CCSER1: variants seen among roughly 807,000 people sequenced by gnomAD.
The protein encoded by CCSER1 is serine-rich coiled-coil domain-containing protein 1.
Under a neutral mutation model 82.0 loss-of-function variants are expected in CCSER1, and 41 were observed. That is an observed-to-expected ratio of 0.50 (90% confidence interval 0.39 to 0.65). The LOEUF (loss-of-function observed/expected upper bound fraction) is 0.65. CCSER1 is among the 30% of genes least tolerant of loss of function. The pLI, the probability that CCSER1 is intolerant of heterozygous loss-of-function variation, is 0.00. For missense variants in CCSER1, 1,119 were observed against 1,064.2 expected, an observed-to-expected ratio of 1.05 and a Z score of -0.72; for synonymous variants, 414 against 383.9, an observed-to-expected ratio of 1.08 and a Z score of -0.92.
chr4:90,424,015 C>T (rs1011792580), intron 4 of CCSER1, among the ~76,000 whole-genome samples: 12 of 150,826 alleles, frequency 8.0e-5, no homozygotes, highest in African/African-American at 1.5e-4. Context: ...GGCGTGAACC[C>T]GGGAGGCTGA....
chr4:90,362,051 G>T (rs2153519028), intron 3 of CCSER1, among the ~76,000 whole-genome samples: 1 of 152,146 alleles, frequency 6.6e-6, no homozygotes, highest in East Asian at 1.9e-4. Flanking sequence ...TCAAGCTCAG[G>T]ATTCTTCTCT....
intron 9 of CCSER1, among the ~76,000 whole-genome samples, chr4:91,008,292 T>A (rs1369201605): frequency 6.6e-6 from 1 of 152,210 alleles, no homozygotes; most frequent in Non-Finnish European, 1.5e-5. Flanking sequence ...TTCTGTCTGG[T>A]TGACAGTGGA....
chr4:90,600,782 A>G (rs73833296), intron 5 of CCSER1, among the ~76,000 whole-genome samples: 1 of 151,926 alleles, frequency 6.6e-6, no homozygotes, highest in African/African-American at 2.4e-5. Flanking sequence ...ATTGAAATAC[A>G]TGTAATTATA....
At chr4:90,551,678 T>TTCTCTCTCTCTCTCTCTCTCTC (rs71596530) in intron 5 of CCSER1, among the ~76,000 whole-genome samples, 31 of 88,552 alleles carry the variant, frequency 3.5e-4, no homozygotes, top group African/African-American at 1.3e-3. Flanking sequence ...AAAAATATAA[T>TTCTCTCTCTCTCTCTCTCTCTC]TCTCTCTCTC....
At chr4:91,256,388 C>A (rs1740685741) in intron 10 of CCSER1, among the ~76,000 whole-genome samples, 1 of 152,136 alleles carries the variant, frequency 6.6e-6, no homozygotes, top group Non-Finnish European at 1.5e-5. Flanking sequence ...GGCCTAGTGA[C>A]CTTGTCCTAC....
At chr4:91,476,817 G>C (rs990080371) in intron 10 of CCSER1, among the ~76,000 whole-genome samples, 7 of 151,544 alleles carry the variant, frequency 4.6e-5, no homozygotes, top group Non-Finnish European at 1.0e-4. Context: ...ATTGAAGAAA[G>C]GACAATCTCT....
At chr4:90,195,693 A>C (rs1736458965) in intron 1 of CCSER1, among the ~76,000 whole-genome samples, 1 of 152,130 alleles carries the variant, frequency 6.6e-6, no homozygotes, top group Non-Finnish European at 1.5e-5. Flanking sequence ...TCAATTTTTT[A>C]GTGAACCTAA....
At chr4:90,906,463 A>C (rs1725489274) in intron 8 of CCSER1, among the ~76,000 whole-genome samples, 1 of 152,138 alleles carries the variant, frequency 6.6e-6, no homozygotes, top group African/African-American at 2.4e-5. Context: ...GAATGCTGTC[A>C]TCAGCATATT....
intron 10 of CCSER1, among the ~76,000 whole-genome samples, chr4:91,238,621 T>TATG: frequency 6.6e-6 from 1 of 152,054 alleles, no homozygotes; most frequent in East Asian, 1.9e-4. Context: ...TTGTTACTCT[T>TATG]ATTATTATTA....
intron 8 of CCSER1, among the ~76,000 whole-genome samples, chr4:90,918,479 C>G (rs142971221): frequency 1.3e-5 from 2 of 151,920 alleles, no homozygotes; most frequent in African/African-American, 4.8e-5. Context: ...GCCAGTTGTA[C>G]TGGCTTTGCC....
intron 5 of CCSER1, among the ~76,000 whole-genome samples, chr4:90,588,068 G>A (rs1045821879): frequency 6.6e-6 from 1 of 152,160 alleles, no homozygotes; most frequent in Non-Finnish European, 1.5e-5. Flanking sequence ...AATGCTAACA[G>A]TCATCCAAAT....
chr4:90,888,918 A>G (rs1722550172), intron 8 of CCSER1, among the ~76,000 whole-genome samples: 1 of 152,182 alleles, frequency 6.6e-6, no homozygotes, highest in Non-Finnish European at 1.5e-5. Context: ...TTTTCATTTG[A>G]CTAGAAATTT....
At chr4:90,563,389 T>G (rs1437687609) in intron 5 of CCSER1, among the ~76,000 whole-genome samples, 1 of 152,150 alleles carries the variant, frequency 6.6e-6, no homozygotes, top group Non-Finnish European at 1.5e-5. Flanking sequence ...GGATTACAGT[T>G]GTGCACCATT....
chr4:91,216,274 C>G (rs1737231825), intron 10 of CCSER1, among the ~76,000 whole-genome samples: 1 of 152,132 alleles, frequency 6.6e-6, no homozygotes, highest in African/African-American at 2.4e-5. Flanking sequence ...TAATCACTTT[C>G]TTATGAGTAA....
At chr4:90,213,947 G>T (rs1210757815) in intron 1 of CCSER1, among the ~76,000 whole-genome samples, 1 of 152,168 alleles carries the variant, frequency 6.6e-6, no homozygotes, top group Non-Finnish European at 1.5e-5. Flanking sequence ...ATAAAAGAGA[G>T]AATAGAATAA....
chr4:91,465,773 GACACATAC>G (rs911861752), intron 10 of CCSER1, among the ~76,000 whole-genome samples: 87 of 152,112 alleles, frequency 5.7e-4, no homozygotes, highest in African/African-American at 2.0e-3. Context: ...CAAATTCCTG[GACACATAC>G]ACCCTCCCAA....
chr4:91,410,689 G>T (rs1243725376), intron 10 of CCSER1, among the ~76,000 whole-genome samples: 1 of 152,024 alleles, frequency 6.6e-6, no homozygotes, highest in African/African-American at 2.4e-5. Flanking sequence ...GAAGAATAAA[G>T]AGAAAAAGAA....
At chr4:91,021,644 T>G (rs982891420) in intron 9 of CCSER1, among the ~76,000 whole-genome samples, 3 of 152,168 alleles carry the variant, frequency 2.0e-5, no homozygotes, top group African/African-American at 7.2e-5. Context: ...AACCATTCAG[T>G]TACTCAACAC....
At chr4:90,705,476 G>A (rs192832455) in intron 6 of CCSER1, among the ~76,000 whole-genome samples, 7 of 152,296 alleles carry the variant, frequency 4.6e-5, no homozygotes, top group African/African-American at 1.7e-4. Context: ...TCCATGCTGG[G>A]AGAACTACTA....
Sources: allele counts gnomAD v4.1 joint callset (sites outside exome capture counted in the v4.1 genomes callset), GRCh38; gene constraint gnomAD v4.1.1; transcripts MANE v1.5; gene names NCBI Gene and HGNC (gene_info 2026-07-23, HGNC 2026-07-21).